Variants in ADAM19 observed in about 807,000 individuals in gnomAD.
ADAM19 encodes the protein ADAM metallopeptidase domain 19, also known as disintegrin and metalloproteinase domain-containing protein 19.
Under a neutral mutation model 114.7 loss-of-function variants are expected in ADAM19, and 65 were observed. That is an observed-to-expected ratio of 0.57 (90% CI 0.46 to 0.70). The LOEUF (loss-of-function observed/expected upper bound fraction) is 0.70, where lower values mean the gene tolerates loss of function less well. ADAM19 is among the 30% of genes least tolerant of loss of function. The pLI, the probability that ADAM19 is intolerant of heterozygous loss-of-function variation, is 0.00. For missense variants in ADAM19, 1,063 were observed against 1,204.7 expected (o/e 0.88, Z 1.74); for synonymous variants, 466 against 460.5 (o/e 1.01, Z -0.15).
rs1754908343 is a variant in ADAM19, at chr5:157,485,641, G to A, written c.2550+2624C>T. On this transcript the variant is annotated intron_variant, in intron 21 of 22. Transcript: ENST00000257527. ...CATCTCATAGCTCCTTGGGACCCAA[G>A]CACACAAACCTTTAAGTTCCTTCAA... Among the ~76,000 whole-genome samples the A allele has an allele frequency of 2.6e-5, 4 of 152,168 alleles. No homozygotes were observed. In the South Asian group the frequency reaches 8.3e-4, roughly 32 times the overall value.
chr5:157,480,679 G>A lies in ADAM19; in HGVS notation c.*270C>T. 1 of 1,258,940 alleles carries A rather than the reference G, an allele frequency of 7.9e-7. No homozygotes were observed. The highest frequency in any genetic ancestry group is 1.0e-6 in the Non-Finnish European group (1 of 996,920). The allele number at this position is 1,258,940 out of a possible 1,614,324, so 78.0% of individuals were successfully genotyped here. A position where few individuals can be genotyped will look rare whatever the true frequency, so the allele number is the denominator to read the frequency against. Reference sequence around the variant, plus strand: ...TAGGAGTCTGGAGGAGAAGCTGCCAGTCACCCTCCTCATACTCTCCCCTCC... The same window carrying A: ...TAGGAGTCTGGAGGAGAAGCTGCCAATCACCCTCCTCATACTCTCCCCTCC... On this transcript the variant is annotated 3_prime_UTR_variant, in exon 23 of 23. Transcript: ENST00000257527.
Position 157,521,963 on chromosome 5 carries a change from T to G in ADAM19, c.408-1932A>C, listed in dbSNP as rs545264668. Among the ~76,000 whole-genome samples the G allele has an allele frequency of 3.4e-4, 52 of 152,246 alleles. 1 individual carries two copies. Among genetic ancestry groups the G allele is most frequent in the African/African-American group, 1.2e-3 (50 of 41,526 alleles). On this transcript the variant is annotated intron_variant, in intron 5 of 22. Coordinates refer to ENST00000257527, the MANE Select transcript of ADAM19 (RefSeq NM_033274.5). ...AGATTACACCCAGTGAGTGGAAAGT[T>G]CCATAGAGGAATCAGGGAAAGTTCC...
chr5:157,513,490 G>T lies in ADAM19; in HGVS notation c.682C>A (p.Arg228=). The T allele has an allele frequency of 6.2e-7, 1 of 1,613,942 alleles. No individual in the cohort carries two copies. ...TTGTGTTTGGTGGCGTCCTGGTCTCGTCGATTCTTCTGAAACTAAATGGGA... is the reference window on the plus strand; with the variant it reads ...TTGTGTTTGGTGGCGTCCTGGTCTCTTCGATTCTTCTGAAACTAAATGGGA... ...ADYLEFQKNR[R]DQDATKHKLI... The change falls in exon 8 of 23, where the codon CGA becomes AGA. Residue 228 remains arginine (R), a synonymous_variant. Transcript: ENST00000257527.
intron 2 of ADAM19, among the ~76,000 whole-genome samples, 190 bp from the exon 3 acceptor site, chr5:157,564,633 T>C (rs572020274): frequency 2.8e-4 from 42 of 152,320 alleles, no homozygotes; most frequent in African/African-American, 9.6e-4. Flanking sequence ...CCCCATCTGC[T>C]TTCTCCTGAA....
rs868411621 is a variant in ADAM19, at chr5:157,573,563, T to C, written c.94+2040A>G. ...GAATTTGAGACTAGCCTGGCCAACA[T>C]GGTGAAACCCCGTCTCTACTAAAAA... On this transcript the variant is annotated intron_variant, in intron 1 of 22. Transcript: ENST00000257527. Among the ~76,000 whole-genome samples the C allele has an allele frequency of 1.4e-3, 216 of 152,046 alleles. 5 individuals are homozygous for C. The highest frequency in any genetic ancestry group is 3.4e-3 in the Middle Eastern group (1 of 292).
At chr5:157,560,592 A>C (rs1194567522) in intron 3 of ADAM19, among the ~76,000 whole-genome samples, 1 of 152,264 alleles carries the variant, frequency 6.6e-6, no homozygotes, top group Non-Finnish European at 1.5e-5. Context: ...AGTTCAAAAA[A>C]GGAAATGCTG....
intron 4 of ADAM19, among the ~76,000 whole-genome samples, chr5:157,532,004 A>G (rs1756639080): frequency 6.6e-6 from 1 of 152,238 alleles, no homozygotes; most frequent in African/African-American, 2.4e-5. Context: ...CTTTAAGTTT[A>G]TGGTGCTTTG....
intron 2 of ADAM19, among the ~76,000 whole-genome samples, chr5:157,564,936 A>C (rs1757614639): frequency 6.6e-6 from 1 of 152,206 alleles, no homozygotes; most frequent in Non-Finnish European, 1.5e-5. Context: ...AGTGCCTGGC[A>C]CACGGCAAGC....
Position 157,519,886 on chromosome 5 carries a change from C to A in ADAM19, c.553G>T (p.Asp185Tyr). The change falls in exon 6 of 23, where the codon GAC (aspartate) becomes TAC (tyrosine). Residue 185 changes from aspartate to tyrosine, a missense_variant. Asp to Tyr is a radical substitution (Grantham distance 160). Transcript: ENST00000257527. ...TGTTGTGTAAACTGAAGAGCCCAGT[C>A]CCTGGTGGTGGGCTTGGAGTGCTCG... is the stretch of plus-strand genomic sequence containing the variant. The part of the protein sequence containing the change: ...GFEHSKPTTR[D>Y]WALQFTQQTK... 6.2e-7 allele frequency: 1 copy of A among 1,614,074 alleles called. No individual in the cohort carries two copies.
At chr5:157,557,308 C>G (rs1757392630) in intron 3 of ADAM19, among the ~76,000 whole-genome samples, 1 of 152,220 alleles carries the variant, frequency 6.6e-6, no homozygotes, top group Admixed American at 6.5e-5. Context: ...GGAATTGAAT[C>G]AGGGTCTCTG....
intron 2 of ADAM19, 111 bp from the exon 3 acceptor site, chr5:157,564,554 A>G: frequency 1.1e-6 from 1 of 907,002 alleles, no homozygotes; most frequent in Non-Finnish European, 1.8e-6. Flanking sequence ...GAAGTGAATG[A>G]GCAAAGGTCA....
Position 157,560,260 on chromosome 5 carries a change from G to A in ADAM19, c.251+4113C>T, listed in dbSNP as rs374849463. 1.8e-3 allele frequency among the ~76,000 whole-genome samples: 145 copies of A among 80,768 alleles called. 3 individuals carry two copies. The South Asian group carries it at 0.063, about 35-fold the overall frequency. The allele number at this position is 80,768 out of a possible 152,430, so 53.0% of individuals were successfully genotyped here. ...AGCCTGGGCGACAGAGCGAGACTCC[G>A]TCTCAAAAAAAAAAAAAAAAAAAAA... On this transcript the variant is annotated intron_variant, in intron 3 of 22. Coordinates refer to ENST00000257527, the MANE Select transcript of ADAM19 (RefSeq NM_033274.5).
chr5:157,500,460 T>C (rs202130702), intron 12 of ADAM19, among the ~76,000 whole-genome samples: 1 of 152,224 alleles, frequency 6.6e-6, no homozygotes, highest in Non-Finnish European at 1.5e-5. Context: ...TCTTCTAAAA[T>C]GGACTTTTTA....
At chr5:157,548,975 C>T (rs1303431206) in intron 3 of ADAM19, among the ~76,000 whole-genome samples, 4 of 152,180 alleles carry the variant, frequency 2.6e-5, no homozygotes, top group Non-Finnish European at 4.4e-5. Flanking sequence ...CCTTGCATCT[C>T]AGGAGGCTTC....
chr5:157,484,685 T>C (rs751885279), intron 21 of ADAM19, among the ~76,000 whole-genome samples: 3 of 152,192 alleles, frequency 2.0e-5, no homozygotes, highest in Non-Finnish European at 2.9e-5. Flanking sequence ...TTCAGCTCTA[T>C]CTAGAAGGAC....
chr5:157,479,911 A>G lies in ADAM19; in HGVS notation c.*1038T>C, dbSNP rs1020073337. ...GATTTAGCTTAGAGTAAGGAGGAAG[A>G]CCCCCACCCTGCTGAGGTCACAAAA... On this transcript the variant is annotated 3_prime_UTR_variant, in exon 23 of 23. Coordinates refer to ENST00000257527, the MANE Select transcript of ADAM19 (RefSeq NM_033274.5). 4.1e-6 allele frequency: 4 copies of G among 985,408 alleles called. No individual in the cohort carries two copies. The highest frequency in any genetic ancestry group is 6.2e-5 in the Admixed American group (1 of 16,232). The allele number at this position is 985,408 out of a possible 1,614,324, so 61.0% of individuals were successfully genotyped here. A position where few individuals can be genotyped will look rare whatever the true frequency, so the allele number is the denominator to read the frequency against.
intron 11 of ADAM19, among the ~76,000 whole-genome samples, chr5:157,505,118 C>CAAAAA (rs775250955): frequency 8.2e-4 from 71 of 86,824 alleles, no homozygotes; most frequent in African/African-American, 2.9e-3. Flanking sequence ...GACTCTGTCT[C>CAAAAA]AAAAAAAAAA....
At position 157,496,793 on chromosome 5, in the gene ADAM19, G is replaced by A. The variant is rs769939857; in HGVS notation, c.1594+101C>T. 15 of 1,032,130 alleles carry A rather than the reference G, an allele frequency of 1.5e-5. No individual in the cohort carries two copies. In the South Asian group the frequency reaches 2.2e-4, roughly 15 times the overall value. The allele number at this position is 1,032,130 out of a possible 1,614,324, so 63.9% of individuals were successfully genotyped here. A position where few individuals can be genotyped will look rare whatever the true frequency, so the allele number is the denominator to read the frequency against. ...GGGATGAAAGAGGTAGTATCTAGAG[G>A]TGCCATTTGAAGCCAAGATTCCAAA... On this transcript the variant is annotated intron_variant, in intron 14 of 22. Coordinates refer to ENST00000257527, the MANE Select transcript of ADAM19 (RefSeq NM_033274.5).
rs200883455 is a variant in ADAM19 at position 157,491,832 on chromosome 5, C to T, written c.1986+3G>A. On this transcript the variant is annotated splice_donor_region_variant and intron_variant, in intron 17 of 22. Transcript: ENST00000257527. ...CACAGAGAAGCCAGAACCCAGCACG[C>T]ACCCCATGGCCATTGCACTTCTTCC... The T allele has an allele frequency of 1.5e-4, 238 of 1,614,224 alleles. 1 individual carries two copies. The Admixed American group carries it at 3.9e-3, about 27-fold the overall frequency.
Sources: gnomAD v4.1 joint callset for allele counts (sites outside exome capture counted in the v4.1 genomes callset) on GRCh38, gnomAD v4.1.1 for gene constraint, MANE v1.5 for transcripts, NCBI Gene and HGNC (gene_info 2026-07-23, HGNC 2026-07-21) for gene names.